The following CDH10 variants were observed in gnomAD, a reference collection of about 807,000 sequenced individuals.
CDH10 encodes the protein cadherin-10.
A neutral mutation model predicts 73.1 loss-of-function variants in CDH10; 30 were observed. The observed-to-expected ratio is 0.41, with a 90% CI of 0.31 to 0.56. The LOEUF is 0.56. CDH10 is among the 20% of genes least tolerant of loss of function. CDH10 has a pLI of 0.27. For missense variants in CDH10, 815 were observed against 973.7 expected (o/e 0.84, Z 2.17); for synonymous variants, 345 against 348.2 (o/e 0.99, Z 0.10).
rs780399606 is a variant in CDH10 at position 24,537,610 on chromosome 5, C to A, written c.296G>T (p.Gly99Val). 1 of 1,604,774 alleles carries A rather than the reference C, an allele frequency of 6.2e-7. No individual in the cohort carries two copies. Among genetic ancestry groups the A allele is most frequent in the Non-Finnish European group, 8.5e-7 (1 of 1,171,916 alleles). Residue 99 changes from glycine (G) to valine (V), a missense_variant, in exon 3 of 12, where the codon GGT becomes GTT. Gly to Val is a moderately radical substitution (Grantham distance 109). This residue lies in a region of CDH10 where 516 missense variants were observed against 636.6 expected (regional missense o/e 0.81). Coordinates refer to ENST00000264463, the MANE Select transcript of CDH10 (RefSeq NM_006727.5). ...LKYILSGDGA[G>V]TLFIIDEKTG... ...TTTTTCATCAATAATAAAAAGAGTA[C>A]CAGCTCCATCTCCAGATAAGATATA...
rs116158156 is a variant in CDH10, at chr5:24,638,357, A to G, written c.-124+6237T>C. 8.3e-3 allele frequency among the ~76,000 whole-genome samples: 1,259 copies of G among 151,854 alleles called. 18 individuals are homozygous for G. The highest frequency in any genetic ancestry group is 0.029 in the African/African-American group (1,200 of 41,518). ...GTTCTCATTTATCATTTTTAATTGCATACAGCAAGAAGGGGGGGAAGTCAC... is the reference window on the plus strand; with the variant it reads ...GTTCTCATTTATCATTTTTAATTGCGTACAGCAAGAAGGGGGGGAAGTCAC... On this transcript the variant is annotated intron_variant, in intron 1 of 11. Transcript: ENST00000264463.
intron 1 of CDH10, among the ~76,000 whole-genome samples, chr5:24,626,800 G>A (rs1262593244): frequency 2.7e-5 from 4 of 150,056 alleles, no homozygotes; most frequent in Non-Finnish European, 5.9e-5. Flanking sequence ...ATATGTGTGT[G>A]TGTGTGTGTG....
At chr5:24,644,371 T>G in intron 1 of CDH10, among the ~76,000 whole-genome samples, 1 of 152,210 alleles carries the variant, frequency 6.6e-6, no homozygotes, top group East Asian at 1.9e-4. Flanking sequence ...ATATAATTTA[T>G]CCAGCTTTAC....
intron 2 of CDH10, chr5:24,578,438 T>C (rs1189036205): frequency 2.1e-5 from 7 of 327,236 alleles, no homozygotes; most frequent in Admixed American, 1.0e-4. Flanking sequence ...TCCTTTGCCA[T>C]ACAAAGAGTA....
At chr5:24,639,282 T>A (rs1172851802) in intron 1 of CDH10, among the ~76,000 whole-genome samples, 1 of 151,698 alleles carries the variant, frequency 6.6e-6, no homozygotes, top group East Asian at 1.9e-4. Flanking sequence ...TTTATTTGAC[T>A]TAATTTTATT....
intron 1 of CDH10, among the ~76,000 whole-genome samples, chr5:24,598,336 A>T (rs960950481): frequency 6.6e-6 from 1 of 151,994 alleles, no homozygotes; most frequent in Non-Finnish European, 1.5e-5. Context: ...TTCTACATTG[A>T]ATATTTATCA....
At position 24,487,270 on chromosome 5, in the gene CDH10, G is replaced by T; in HGVS notation, c.*393C>A. ...TTTTGTTTTTTTAATTTAATGTACAGAACAGGATATACTGTAAAATTTTTC... is the reference window on the plus strand; with the variant it reads ...TTTTGTTTTTTTAATTTAATGTACATAACAGGATATACTGTAAAATTTTTC... On this transcript the variant is annotated 3_prime_UTR_variant, in exon 12 of 12. Coordinates refer to ENST00000264463, the MANE Select transcript of CDH10 (RefSeq NM_006727.5). The T allele has an allele frequency of 5.8e-6, 1 of 173,774 alleles. No individual in the cohort carries two copies. Among genetic ancestry groups the T allele is most frequent in the East Asian group, 1.5e-4 (1 of 6,538 alleles). The allele number at this position is 173,774 out of a possible 1,614,324, so 10.8% of individuals were successfully genotyped here. A position where few individuals can be genotyped will look rare whatever the true frequency, so the allele number is the denominator to read the frequency against.
intron 2 of CDH10, among the ~76,000 whole-genome samples, chr5:24,560,743 T>C (rs906228299): frequency 6.6e-6 from 1 of 152,126 alleles, no homozygotes; most frequent in Non-Finnish European, 1.5e-5. Context: ...TGGTTGTCAG[T>C]GTATTTTTAG....
At chr5:24,509,240 CT>C (rs35903930) in intron 7 of CDH10, among the ~76,000 whole-genome samples, 17 of 85,328 alleles carry the variant, frequency 2.0e-4, no homozygotes, top group African/African-American at 4.4e-4. Flanking sequence ...CTCCTTTTTC[CT>C]TTTTTTTTTT....
chr5:24,535,503 A>T (rs987788450), intron 4 of CDH10, among the ~76,000 whole-genome samples, 200 bp downstream of exon 4: 1 of 152,000 alleles, frequency 6.6e-6, no homozygotes, highest in Non-Finnish European at 1.5e-5. Flanking sequence ...GCCTATGCTT[A>T]TATGTTCAAA....
intron 2 of CDH10, among the ~76,000 whole-genome samples, chr5:24,575,621 C>T (rs993047114): frequency 2.0e-5 from 3 of 152,036 alleles, no homozygotes; most frequent in Non-Finnish European, 4.4e-5. Context: ...CTCAAATAAA[C>T]ATTTTTATTG....
At chr5:24,586,094 T>C (rs1469039831) in intron 2 of CDH10, among the ~76,000 whole-genome samples, 1 of 152,212 alleles carries the variant, frequency 6.6e-6, no homozygotes, top group African/African-American at 2.4e-5. Context: ...AAATTTAAAT[T>C]CCTTTAGAAA....
chr5:24,608,504 G>A (rs1746837678), intron 1 of CDH10, among the ~76,000 whole-genome samples: 1 of 152,044 alleles, frequency 6.6e-6, no homozygotes, highest in Admixed American at 6.5e-5. Context: ...TGTTGGCCAG[G>A]ATGGTCTCAA....
chr5:24,502,129 AGC>A (rs1742522581), intron 8 of CDH10, among the ~76,000 whole-genome samples: 1 of 151,998 alleles, frequency 6.6e-6, no homozygotes, highest in Non-Finnish European at 1.5e-5. Flanking sequence ...TCACGGTGTT[AGC>A]CAGGATGGTC....
chr5:24,516,927 C>G (rs1995599), intron 5 of CDH10, among the ~76,000 whole-genome samples: 72,444 of 151,326 alleles, frequency 0.48, 17,426 homozygotes, highest in East Asian at 0.58. Flanking sequence ...TTCATAATGT[C>G]TAAATATGTC....
intron 2 of CDH10, among the ~76,000 whole-genome samples, chr5:24,577,405 T>C (rs1745645828): frequency 1.3e-5 from 2 of 151,828 alleles, no homozygotes; most frequent in Admixed American, 1.3e-4. Flanking sequence ...TTAATACGTT[T>C]TTCAAAATTT....
At chr5:24,525,636 C>G (rs1743502239) in intron 5 of CDH10, among the ~76,000 whole-genome samples, 2 of 152,020 alleles carry the variant, frequency 1.3e-5, no homozygotes. Context: ...CAGAGGAGAG[C>G]TGAAAGTCAC....
intron 5 of CDH10, 72 bp downstream of exon 5, chr5:24,535,038 CTT>C: frequency 1.3e-5 from 18 of 1,334,530 alleles, no homozygotes; most frequent in Non-Finnish European, 1.7e-5. Flanking sequence ...TTTTTCTTTT[CTT>C]TTTCTTTCTT....
At chr5:24,598,982 A>G (rs1484082605) in intron 1 of CDH10, among the ~76,000 whole-genome samples, 1 of 152,046 alleles carries the variant, frequency 6.6e-6, no homozygotes, top group East Asian at 1.9e-4. Context: ...GAGGCACATA[A>G]CTTCATGTGG....
Sources: gnomAD v4.1 joint callset for allele counts (sites outside exome capture counted in the v4.1 genomes callset) on GRCh38, gnomAD v4.1.1 for gene constraint, gnomAD v4.1.1 regional missense constraint, MANE v1.5 for transcripts, NCBI Gene and HGNC (gene_info 2026-07-23, HGNC 2026-07-21) for gene names.